Variants in LRIF1 observed in about 807,000 individuals in gnomAD.
The protein encoded by LRIF1 is ligand dependent nuclear receptor interacting factor 1.
A neutral mutation model predicts 52.7 loss-of-function variants in LRIF1; 32 were observed. The observed-to-expected ratio is 0.61, with a 90% CI of 0.46 to 0.82. The LOEUF (loss-of-function observed/expected upper bound fraction) is 0.82. LRIF1 is among the 40% of genes least tolerant of loss of function. The pLI is 0.00. For missense variants in LRIF1, 887 were observed against 892.0 expected (o/e 0.99, Z 0.07); for synonymous variants, 323 against 317.4 (o/e 1.02, Z -0.19).
In LRIF1 at chr1:110,963,782, G is replaced by T; in HGVS notation, c.-94C>A. The T allele has an allele frequency of 9.6e-7, 1 of 1,037,150 alleles. No homozygotes were observed. Among genetic ancestry groups the T allele is most frequent in the Non-Finnish European group, 1.4e-6 (1 of 693,914 alleles). 64.2% of individuals were successfully genotyped at this position (1,037,150 alleles called of 1,614,324 possible). Reference sequence around the variant, plus strand: ...GCGAGAACCAGAGCGAGGGAATGTTGGGCTGGAGTTGCCCACAGCAACTGT... The same window carrying T: ...GCGAGAACCAGAGCGAGGGAATGTTTGGCTGGAGTTGCCCACAGCAACTGT... On this transcript the variant is annotated 5_prime_UTR_variant, in exon 1 of 4. Transcript: ENST00000369763.
chr1:110,943,633 TTTC>T (rs558307189), downstream of LRIF1: 272 of 152,266 alleles, frequency 1.8e-3, 1 homozygote, highest in African/African-American at 6.2e-3. Flanking sequence ...GCCACAATTT[TTTC>T]TTTTCTGTTT....
intron 3 of LRIF1, among the ~76,000 whole-genome samples, chr1:110,948,919 T>G (rs1478510462): frequency 6.6e-6 from 1 of 152,204 alleles, no homozygotes; most frequent in East Asian, 1.9e-4. Flanking sequence ...TATGCATGCT[T>G]ATATCTTCTA....
At chr1:110,928,432 G>A in the LRIF1 span, among the ~76,000 whole-genome samples, 63,421 of 151,962 alleles carry the variant, frequency 0.42, 14,278 homozygotes, top group East Asian at 0.69. Flanking sequence ...AGGTGAAGCA[G>A]CCTTCATGTG....
At chr1:110,959,458 A>T (rs907947979) in intron 1 of LRIF1, among the ~76,000 whole-genome samples, 1 of 152,154 alleles carries the variant, frequency 6.6e-6, no homozygotes, top group Non-Finnish European at 1.5e-5. Context: ...TTAAAAATGT[A>T]ATGAGAAATA....
the LRIF1 span, among the ~76,000 whole-genome samples, chr1:110,903,571 A>G: frequency 1.3e-5 from 2 of 152,300 alleles, no homozygotes; most frequent in African/African-American, 2.4e-5. Context: ...TCCTGGCAAC[A>G]TTCATCACCT....
chr1:110,941,192 T>C, the LRIF1 span: 1 of 152,080 alleles, frequency 6.6e-6, no homozygotes, highest in African/African-American at 2.4e-5. Context: ...ATGTGCTCAT[T>C]ACTCTGAAGT....
Position 110,952,717 on chromosome 1 carries a change from A to G in LRIF1, c.167T>C (p.Ile56Thr), listed in dbSNP as rs749390991. Residue 56 changes from isoleucine to threonine, a missense_variant, in exon 2 of 4, where the codon ATA becomes ACA. By Grantham distance (89) the Ile-to-Thr change is moderately conservative (BLOSUM62 -1). Coordinates refer to ENST00000369763, the MANE Select transcript of LRIF1 (RefSeq NM_018372.4). ...LPIPKSSGNL[I>T]PLVQSSVMSD... Reference sequence around the variant, plus strand: ...CATGACTGAAGATTGAACTAGTGGTATAAGATTTCCAGAAGACTTAGGAAT... The same window carrying G: ...CATGACTGAAGATTGAACTAGTGGTGTAAGATTTCCAGAAGACTTAGGAAT... 10 of 1,614,068 alleles carry G rather than the reference A, an allele frequency of 6.2e-6. No homozygotes were observed. The highest frequency in any genetic ancestry group is 3.3e-5 in the Admixed American group (2 of 60,016).
chr1:110,894,358 C>T, the LRIF1 span: 1 of 1,614,058 alleles, frequency 6.2e-7, no homozygotes, highest in East Asian at 2.2e-5. Context: ...ATCCTCCTTG[C>T]TGAGGTGACC....
chr1:110,945,518 C>T (rs1260506630), downstream of LRIF1, among the ~76,000 whole-genome samples: 3 of 151,870 alleles, frequency 2.0e-5, no homozygotes, highest in South Asian at 2.1e-4. Flanking sequence ...CTCCACCTCC[C>T]GGGTTCAAGC....
At chr1:110,888,864 CTG>C in the LRIF1 span, among the ~76,000 whole-genome samples, 1 of 152,150 alleles carries the variant, frequency 6.6e-6, no homozygotes, top group Non-Finnish European at 1.5e-5. Context: ...TCATGAGAGT[CTG>C]TGTTTAGCTG....
the LRIF1 span, among the ~76,000 whole-genome samples, chr1:110,900,767 A>AC: frequency 4.1e-3 from 586 of 143,682 alleles, 6 homozygotes; most frequent in African/African-American, 0.014. Flanking sequence ...AAAAAAAAAC[A>AC]AAAAAAAAAG....
chr1:110,961,970 A>T (rs956102698), intron 1 of LRIF1, among the ~76,000 whole-genome samples: 2 of 152,054 alleles, frequency 1.3e-5, no homozygotes. Flanking sequence ...TCAATGAGTT[A>T]ATGAACTCAA....
rs1257559843 is a variant in LRIF1 at position 110,963,742 on chromosome 1, G to T, written c.-54C>A. ...CCAGAAAAGTGGGAAGCGTGGGGCC[G>T]AGTTTCCCAATGGGGCGAGAACCAG... On this transcript the variant is annotated 5_prime_UTR_variant, in exon 1 of 4. Coordinates refer to ENST00000369763, the MANE Select transcript of LRIF1 (RefSeq NM_018372.4). 6.3e-6 allele frequency: 9 copies of T among 1,424,368 alleles called. No homozygotes were observed. Among genetic ancestry groups the T allele is most frequent in the South Asian group, 1.2e-5 (1 of 83,092 alleles). The allele number at this position is 1,424,368 out of a possible 1,614,324, so 88.2% of individuals were successfully genotyped here.
chr1:110,907,062 T>C, the LRIF1 span, among the ~76,000 whole-genome samples: 2 of 152,278 alleles, frequency 1.3e-5, no homozygotes, highest in East Asian at 1.9e-4. Flanking sequence ...TCTCAGCATA[T>C]AACAACTCAG....
At chr1:110,952,904 A>T in intron 1 of LRIF1, 89 bp from the exon 2 acceptor site, 2 of 753,156 alleles carry the variant, frequency 2.7e-6, no homozygotes, top group Non-Finnish European at 3.6e-6. Flanking sequence ...ATTTGTAAAT[A>T]TTAAAATAAA....
the LRIF1 span, among the ~76,000 whole-genome samples, chr1:110,924,594 TG>T: frequency 1.3e-5 from 2 of 152,178 alleles, no homozygotes; most frequent in Non-Finnish European, 2.9e-5. Flanking sequence ...GAGAACAACA[TG>T]GAGGAAACCG....
chr1:110,936,582 C>T, the LRIF1 span: 2 of 151,320 alleles, frequency 1.3e-5, no homozygotes, highest in Admixed American at 1.3e-4. Context: ...TGATCTCAAA[C>T]AAAAAACATA....
At chr1:110,925,372 T>C in the LRIF1 span, among the ~76,000 whole-genome samples, 1 of 152,178 alleles carries the variant, frequency 6.6e-6, no homozygotes, top group Admixed American at 6.6e-5. Flanking sequence ...ATCTTGGGCA[T>C]GCCAGCCTCC....
chr1:110,917,672 A>G, the LRIF1 span, among the ~76,000 whole-genome samples: 1 of 147,196 alleles, frequency 6.8e-6, no homozygotes, highest in Non-Finnish European at 1.5e-5. Flanking sequence ...GAGAGAGGTC[A>G]ACATAAAAAA....
Sources: gnomAD v4.1 joint callset for allele counts (sites outside exome capture counted in the v4.1 genomes callset) on GRCh38, gnomAD v4.1.1 for gene constraint, MANE v1.5 for transcripts, NCBI Gene and HGNC (gene_info 2026-07-23, HGNC 2026-07-21) for gene names.